The following PTPRD variants were observed in gnomAD, a reference collection of about 807,000 sequenced individuals.
PTPRD encodes receptor-type tyrosine-protein phosphatase delta.
A neutral mutation model predicts 214.5 loss-of-function variants in PTPRD; 34 were observed. The observed-to-expected ratio is 0.16, with a 90% CI of 0.12 to 0.21. PTPRD has a LOEUF of 0.21. PTPRD is among the 10% of genes least tolerant of loss of function. PTPRD has a pLI of 1.00. For missense variants in PTPRD, 2,545 were observed against 2,398.7 expected, an observed-to-expected ratio of 1.06 and a Z score of -1.27; for synonymous variants, 1,128 against 845.7, an observed-to-expected ratio of 1.33 and a Z score of -5.79.
chr9:9,857,918 A>G (rs1360948183), intron 5 of PTPRD, among the ~76,000 whole-genome samples: 1 of 152,208 alleles, frequency 6.6e-6, no homozygotes, highest in Non-Finnish European at 1.5e-5. Flanking sequence ...CTTTTTTCAT[A>G]AAGTAAATGA....
chr9:9,841,387 G>T (rs550305420), intron 5 of PTPRD, among the ~76,000 whole-genome samples: 1 of 151,976 alleles, frequency 6.6e-6, no homozygotes, highest in East Asian at 1.9e-4. Context: ...TAAGTCTTCT[G>T]TTCCTGATGT....
At chr9:8,642,838 A>T (rs72698287) in intron 12 of PTPRD, among the ~76,000 whole-genome samples, 2 of 152,124 alleles carry the variant, frequency 1.3e-5, no homozygotes, top group African/African-American at 4.8e-5. Flanking sequence ...CACTGGGACA[A>T]GGGTAGTGAC....
chr9:10,602,880 A>T (rs993949029), intron 2 of PTPRD, among the ~76,000 whole-genome samples: 1 of 151,764 alleles, frequency 6.6e-6, no homozygotes, highest in Non-Finnish European at 1.5e-5. Context: ...AGTAACTGGC[A>T]GATGGGACCC....
At chr9:8,793,985 C>G (rs991689107) in intron 11 of PTPRD, among the ~76,000 whole-genome samples, 1 of 152,172 alleles carries the variant, frequency 6.6e-6, no homozygotes, top group Non-Finnish European at 1.5e-5. Flanking sequence ...CCCTGCAGCA[C>G]AGCTGTGATA....
chr9:8,586,819 C>A (rs759902176), intron 14 of PTPRD, among the ~76,000 whole-genome samples: 1 of 152,074 alleles, frequency 6.6e-6, no homozygotes, highest in Non-Finnish European at 1.5e-5. Context: ...ATAAAGTCAG[C>A]GAGGTTATCT....
At chr9:8,848,834 C>T (rs1445029720) in intron 11 of PTPRD, among the ~76,000 whole-genome samples, 1 of 126,234 alleles carries the variant, frequency 7.9e-6, no homozygotes, top group African/African-American at 2.9e-5. Flanking sequence ...TTAATCTCTC[C>T]ATGGATCAAC....
intron 11 of PTPRD, among the ~76,000 whole-genome samples, chr9:8,982,410 A>ATAAC (rs2099317497): frequency 6.6e-6 from 1 of 151,988 alleles, no homozygotes; most frequent in Non-Finnish European, 1.5e-5. Context: ...CCCAACAAGA[A>ATAAC]TAACTTTTTA....
intron 2 of PTPRD, among the ~76,000 whole-genome samples, chr9:10,351,603 T>C (rs938700297): frequency 9.9e-5 from 15 of 151,944 alleles, no homozygotes; most frequent in African/African-American, 3.4e-4. Flanking sequence ...AAAGCTATAA[T>C]TTATCCAAGA....
intron 8 of PTPRD, among the ~76,000 whole-genome samples, chr9:9,494,212 G>A (rs2096064114): frequency 6.6e-6 from 1 of 152,108 alleles, no homozygotes. Context: ...ATCTATTCTT[G>A]GAACAAGCTG....
chr9:10,325,038 T>A (rs755201441), intron 3 of PTPRD, among the ~76,000 whole-genome samples: 2 of 152,068 alleles, frequency 1.3e-5, no homozygotes, highest in Non-Finnish European at 2.9e-5. Context: ...CTAGTATATG[T>A]TAAAGTTGGT....
At chr9:9,494,902 G>C (rs2096097870) in intron 8 of PTPRD, among the ~76,000 whole-genome samples, 2 of 152,142 alleles carry the variant, frequency 1.3e-5, no homozygotes, top group Non-Finnish European at 2.9e-5. Context: ...CACACTGCCT[G>C]ATTTAAAAAC....
At chr9:8,825,559 T>G (rs1189337561) in intron 11 of PTPRD, among the ~76,000 whole-genome samples, 1 of 152,160 alleles carries the variant, frequency 6.6e-6, no homozygotes, top group Non-Finnish European at 1.5e-5. Flanking sequence ...AAATAAAAGA[T>G]TAGCAACGTT....
chr9:8,911,225 G>A (rs1447122825), intron 11 of PTPRD, among the ~76,000 whole-genome samples: 1 of 152,172 alleles, frequency 6.6e-6, no homozygotes, highest in Non-Finnish European at 1.5e-5. Flanking sequence ...TAAACAATGT[G>A]GTATTGTCCT....
intron 8 of PTPRD, among the ~76,000 whole-genome samples, chr9:9,460,513 G>A (rs1170186870): frequency 3.3e-5 from 5 of 151,916 alleles, no homozygotes; most frequent in Non-Finnish European, 7.4e-5. Context: ...ATTAAAAAGT[G>A]GGCAAAGGAC....
intron 36 of PTPRD, among the ~76,000 whole-genome samples, chr9:8,403,181 G>A (rs903134552): frequency 1.3e-5 from 2 of 152,100 alleles, no homozygotes; most frequent in East Asian, 3.9e-4. Context: ...TAGGAGATGT[G>A]GTCAGAGTTA....
intron 39 of PTPRD, among the ~76,000 whole-genome samples, chr9:8,344,020 C>A (rs1200538609): frequency 1.3e-5 from 2 of 152,060 alleles, no homozygotes; most frequent in Non-Finnish European, 2.9e-5. Context: ...AGTCTCTTTG[C>A]TGGTCTCCTG....
At chr9:8,432,916 A>G (rs2095149008) in intron 35 of PTPRD, among the ~76,000 whole-genome samples, 1 of 152,232 alleles carries the variant, frequency 6.6e-6, no homozygotes, top group Non-Finnish European at 1.5e-5. Flanking sequence ...GCATAGCAGC[A>G]TTGCCAGCAT....
At chr9:9,952,034 A>G (rs578189135) in intron 4 of PTPRD, among the ~76,000 whole-genome samples, 53 of 152,172 alleles carry the variant, frequency 3.5e-4, no homozygotes, top group Non-Finnish European at 6.5e-4. Flanking sequence ...ATGCTGGAAT[A>G]TTTTTGGCAA....
intron 5 of PTPRD, among the ~76,000 whole-genome samples, chr9:9,884,790 C>G (rs12552585): frequency 1.2e-4 from 18 of 152,130 alleles, no homozygotes; most frequent in Admixed American, 1.1e-3. Context: ...CTTTTCCCCA[C>G]TTGCTTGGCA....
Sources: gnomAD v4.1 joint callset for allele counts (sites outside exome capture counted in the v4.1 genomes callset) on GRCh38, gnomAD v4.1.1 for gene constraint, MANE v1.5 for transcripts, NCBI Gene and HGNC (gene_info 2026-07-23, HGNC 2026-07-21) for gene names.